Variants in KCNMB2 observed in about 807,000 individuals in gnomAD.
KCNMB2 encodes potassium calcium-activated channel subfamily M regulatory beta subunit 2.
Under a neutral mutation model 24.5 loss-of-function variants are expected in KCNMB2, and 9 were observed. That is an observed-to-expected ratio of 0.37 (90% CI 0.22 to 0.64). KCNMB2 has a LOEUF of 0.64. Ranked by LOEUF, KCNMB2 falls within the 30% of genes least tolerant of loss-of-function variation. The probability of loss-of-function intolerance (pLI) is 0.63; values close to 1 mark genes in which losing one functional copy is unlikely to be tolerated. For missense variants in KCNMB2, 226 were observed against 284.3 expected (o/e 0.79, Z 1.47); for synonymous variants, 109 against 104.4 (o/e 1.04, Z -0.27).
intron 1 of KCNMB2, among the ~76,000 whole-genome samples, chr3:178,646,138 T>G (rs775720794): frequency 1.1e-4 from 17 of 152,264 alleles, no homozygotes; most frequent in Non-Finnish European, 2.1e-4. Flanking sequence ...GAAGTGGGCC[T>G]GAGAACATTT....
chr3:178,713,857 G>A (rs559991096), intron 1 of KCNMB2, among the ~76,000 whole-genome samples: 42 of 152,148 alleles, frequency 2.8e-4, no homozygotes, highest in Non-Finnish European at 5.1e-4. Context: ...GAGCAAACCT[G>A]TGTGGAAGCT....
chr3:178,550,675 A>G (rs1322303768), intron 1 of KCNMB2, among the ~76,000 whole-genome samples: 1 of 152,160 alleles, frequency 6.6e-6, no homozygotes, highest in East Asian at 1.9e-4. Context: ...ACAAAGCTCT[A>G]AGAAGGAACA....
intron 1 of KCNMB2, among the ~76,000 whole-genome samples, chr3:178,565,296 C>T (rs1170406082): frequency 6.6e-6 from 1 of 152,098 alleles, no homozygotes; most frequent in Non-Finnish European, 1.5e-5. Flanking sequence ...AATAATGAAC[C>T]CAAAGTCATA....
At chr3:178,607,824 A>T (rs1327383581) in intron 1 of KCNMB2, among the ~76,000 whole-genome samples, 1 of 152,190 alleles carries the variant, frequency 6.6e-6, no homozygotes, top group Non-Finnish European at 1.5e-5. Context: ...ACAGTCATTT[A>T]AAATGAGATT....
chr3:178,670,469 T>A (rs1285242682), intron 1 of KCNMB2, among the ~76,000 whole-genome samples: 1 of 152,274 alleles, frequency 6.6e-6, no homozygotes, highest in East Asian at 1.9e-4. Context: ...ACTTCTAGTG[T>A]TACGTGCCAG....
At chr3:178,694,487 G>T (rs1057475263) in intron 1 of KCNMB2, among the ~76,000 whole-genome samples, 3 of 152,268 alleles carry the variant, frequency 2.0e-5, no homozygotes, top group Admixed American at 2.0e-4. Context: ...AGTCTCATCT[G>T]AGACCAGGCA....
intron 2 of KCNMB2, among the ~76,000 whole-genome samples, chr3:178,822,155 C>G (rs988563419): frequency 3.3e-5 from 5 of 152,182 alleles, no homozygotes; most frequent in African/African-American, 1.2e-4. Context: ...ATAGGCATCT[C>G]AGTAATATTA....
At chr3:178,610,228 C>T (rs1718434253) in intron 1 of KCNMB2, among the ~76,000 whole-genome samples, 1 of 152,014 alleles carries the variant, frequency 6.6e-6, no homozygotes, top group Admixed American at 6.6e-5. Flanking sequence ...CAGTTTTTTG[C>T]TTAGGATAGC....
chr3:178,800,460 T>A (rs1454692155), intron 1 of KCNMB2, among the ~76,000 whole-genome samples: 1 of 152,088 alleles, frequency 6.6e-6, no homozygotes, highest in Admixed American at 6.6e-5. Flanking sequence ...GAAATGCAAA[T>A]TAAAACTACA....
chr3:178,730,949 TA>T (rs1299801265), intron 1 of KCNMB2, among the ~76,000 whole-genome samples: 1 of 152,134 alleles, frequency 6.6e-6, no homozygotes, highest in Non-Finnish European at 1.5e-5. Context: ...AACAAATATT[TA>T]AGCATTAACT....
chr3:178,586,538 C>CTTTTTTTTTCTTTCTT (rs1717439508), intron 1 of KCNMB2, among the ~76,000 whole-genome samples: 2 of 68,498 alleles, frequency 2.9e-5, no homozygotes, highest in African/African-American at 1.1e-4. Flanking sequence ...TTTTTTCTTT[C>CTTTTTTTTTCTTTCTT]TTTTTTTTTT....
At chr3:178,802,491 ACACTGAGAAGTGG>A (rs1713811208) in intron 1 of KCNMB2, among the ~76,000 whole-genome samples, 1 of 152,160 alleles carries the variant, frequency 6.6e-6, no homozygotes. Flanking sequence ...AAGTGAGAAG[ACACTGAGAAGTGG>A]CACCCAGTAG....
At chr3:178,691,448 A>G (rs551607257) in intron 1 of KCNMB2, among the ~76,000 whole-genome samples, 311 of 151,538 alleles carry the variant, frequency 2.1e-3, no homozygotes, top group Non-Finnish European at 3.6e-3. Flanking sequence ...TGTTTTTCCC[A>G]TCTCTGTGCC....
chr3:178,755,661 T>TATGCA (rs1212540281), intron 1 of KCNMB2, among the ~76,000 whole-genome samples: 1 of 152,250 alleles, frequency 6.6e-6, no homozygotes, highest in Non-Finnish European at 1.5e-5. Flanking sequence ...TTTCCTAGGC[T>TATGCA]ATGCAAAGGA....
chr3:178,727,945 A>C (rs761550677), intron 1 of KCNMB2, among the ~76,000 whole-genome samples: 3 of 152,230 alleles, frequency 2.0e-5, no homozygotes, highest in Non-Finnish European at 4.4e-5. Flanking sequence ...TACTGCTAAC[A>C]ATACGTGCAT....
chr3:178,757,884 C>CATATATATATCCAAGAGGATACAT (rs1724206244), intron 1 of KCNMB2, among the ~76,000 whole-genome samples: 1 of 50,640 alleles, frequency 2.0e-5, no homozygotes, highest in Admixed American at 2.2e-4. Flanking sequence ...CAAGAGGATA[C>CATATATATATCCAAGAGGATACAT]ATATATATAT....
intron 1 of KCNMB2, among the ~76,000 whole-genome samples, chr3:178,609,754 A>C (rs1311370043): frequency 6.7e-6 from 1 of 150,184 alleles, no homozygotes; most frequent in Non-Finnish European, 1.5e-5. Flanking sequence ...CTCCCACCTC[A>C]CCCCCATGAG....
chr3:178,654,956 C>T (rs1330072904), intron 1 of KCNMB2, among the ~76,000 whole-genome samples: 1 of 152,020 alleles, frequency 6.6e-6, no homozygotes, highest in African/African-American at 2.4e-5. Flanking sequence ...TGGTTTCTAC[C>T]TCAGAGAGCA....
chr3:178,758,709 G>T (rs867603632), intron 1 of KCNMB2, among the ~76,000 whole-genome samples: 28 of 1,382 alleles, frequency 0.02, no homozygotes, highest in Non-Finnish European at 0.031. Flanking sequence ...TACAAGAGGA[G>T]ATATATATAT....
Sources: allele counts gnomAD v4.1 joint callset (sites outside exome capture counted in the v4.1 genomes callset), GRCh38; gene constraint gnomAD v4.1.1; transcripts MANE v1.5; gene names NCBI Gene and HGNC (gene_info 2026-07-23, HGNC 2026-07-21).